USP37: variants seen among roughly 807,000 people sequenced by gnomAD.
USP37 encodes the protein ubiquitin carboxyl-terminal hydrolase 37.
Under a neutral mutation model 124.0 loss-of-function variants are expected in USP37, and 27 were observed. The observed-to-expected ratio is 0.22, with a 90% CI of 0.16 to 0.30. The LOEUF is 0.30. Among genes scored for constraint, USP37 ranks in the 10% least tolerant of loss-of-function variants. USP37 has a pLI of 1.00. For synonymous variants in USP37, 365 were observed against 388.0 expected (o/e 0.94, Z 0.70); for missense variants, 889 against 1,140.4 (o/e 0.78, Z 3.17).
intron 14 of USP37, among the ~76,000 whole-genome samples, chr2:218,489,513 CTTTT>C (rs1691796123): frequency 6.6e-6 from 1 of 151,824 alleles, no homozygotes; most frequent in Non-Finnish European, 1.5e-5. Flanking sequence ...CGGAGTTCTG[CTTTT>C]GTTGCCCAAG....
At chr2:218,510,592 T>C (rs1162307438) in intron 10 of USP37, among the ~76,000 whole-genome samples, 1 of 152,254 alleles carries the variant, frequency 6.6e-6, no homozygotes, top group Admixed American at 6.5e-5. Context: ...TCATTTTTAA[T>C]TTTTTGAGAT....
chr2:218,480,468 A>G (rs1281252717), intron 17 of USP37, among the ~76,000 whole-genome samples: 1 of 151,784 alleles, frequency 6.6e-6, no homozygotes, highest in Non-Finnish European at 1.5e-5. Context: ...TACCATCTCT[A>G]GGCTCTCCTT....
intron 9 of USP37, among the ~76,000 whole-genome samples, chr2:218,532,466 C>A (rs1254365328): frequency 1.6e-3 from 184 of 115,306 alleles, no homozygotes; most frequent in African/African-American, 2.1e-3. Flanking sequence ...GACTCTGTCT[C>A]AAAAAAAAAA....
In USP37 at chr2:218,505,247, G is replaced by A. The variant is rs572337734; in HGVS notation, c.1025+4732C>T. 4.6e-5 allele frequency among the ~76,000 whole-genome samples: 7 copies of A among 152,172 alleles called. No individual in the cohort carries two copies. The East Asian group carries it at 1.2e-3, about 25-fold the overall frequency. On this transcript the variant is annotated intron_variant, in intron 11 of 25. Transcript: ENST00000258399. ...TTTCCCAGGCTGGTCTCGAACTCCT[G>A]AGCTCAAGTGATCTGCCTGCCTCAG...
intron 20 of USP37, among the ~76,000 whole-genome samples, chr2:218,471,687 C>T (rs775285332): frequency 1.1e-4 from 17 of 152,098 alleles, no homozygotes; most frequent in Non-Finnish European, 1.9e-4. Context: ...AACATGTCTC[C>T]CTTGATTTTT....
At chr2:218,528,672 A>G in intron 10 of USP37, 1 of 426,446 alleles carries the variant, frequency 2.3e-6, no homozygotes, top group Non-Finnish European at 4.2e-6. Flanking sequence ...CCTGTCTATC[A>G]TTGATGGGCA....
Position 218,544,945 on chromosome 2 carries a change from T to C in USP37, c.680+1276A>G, listed in dbSNP as rs545509933. Among the ~76,000 whole-genome samples, 6 of 152,290 alleles carry C rather than the reference T, an allele frequency of 3.9e-5. No individual in the cohort carries two copies. The South Asian group carries it at 1.2e-3, about 32-fold the overall frequency. On this transcript the variant is annotated intron_variant, in intron 8 of 25. Transcript: ENST00000258399. ...AGGTACCAGACCATGAGGGGCATGGTCCAAGGTACATTTAGACCTTCTAGA... is the reference window on the plus strand; with the variant it reads ...AGGTACCAGACCATGAGGGGCATGGCCCAAGGTACATTTAGACCTTCTAGA...
intron 8 of USP37, among the ~76,000 whole-genome samples, chr2:218,540,975 A>G (rs182036725): frequency 7.0e-4 from 107 of 152,298 alleles, no homozygotes; most frequent in Non-Finnish European, 1.1e-3. Flanking sequence ...CTGGCCTGAT[A>G]AAGTGCTGCA....
intron 8 of USP37, among the ~76,000 whole-genome samples, chr2:218,535,933 C>G (rs186467974): frequency 2.9e-4 from 39 of 135,198 alleles, no homozygotes; most frequent in African/African-American, 9.9e-4. Context: ...AGAAGTATTG[C>G]TTGAACCCAG....
intron 13 of USP37, among the ~76,000 whole-genome samples, chr2:218,497,095 G>T (rs983661135): frequency 1.3e-5 from 2 of 151,984 alleles, no homozygotes; most frequent in African/African-American, 4.8e-5. Context: ...TTTTGAGACA[G>T]AGTCTTGCCC....
chr2:218,488,503 A>T, intron 14 of USP37, 82 bp from the exon 15 acceptor site: 1 of 905,634 alleles, frequency 1.1e-6, no homozygotes, highest in Non-Finnish European at 1.7e-6. Context: ...CTGTTCTTCC[A>T]CAGAACTTAT....
Position 218,558,553 on chromosome 2 carries a change from T to A in USP37, c.101A>T (p.Asn34Ile). The stretch of plus-strand genomic sequence containing the variant: ...GTAGTGAACTACTAGGCTGACTTTA[T>A]TCTCTTTTTCTACAATTTCAAAGGA... ...EGSFEIVEKE[N>I]KVSLVVHYNT... Residue 34 changes from asparagine (N) to isoleucine (I), a missense_variant, in exon 4 of 26, where the codon AAT becomes ATT. By Grantham distance (149) the Asn-to-Ile change is moderately radical (BLOSUM62 -3). This residue lies in a region of USP37 where 374 missense variants were observed against 386.0 expected (regional missense o/e 0.97). Transcript: ENST00000258399. The A allele has an allele frequency of 6.2e-7, 1 of 1,613,680 alleles. No individual in the cohort carries two copies. Among genetic ancestry groups the A allele is most frequent in the Non-Finnish European group, 8.5e-7 (1 of 1,179,850 alleles).
At chr2:218,519,181 T>C (rs1163737225) in intron 10 of USP37, among the ~76,000 whole-genome samples, 3 of 152,208 alleles carry the variant, frequency 2.0e-5, no homozygotes, top group Non-Finnish European at 4.4e-5. Flanking sequence ...TAAATACTAA[T>C]GTGAAAAAAT....
At chr2:218,509,843 T>C in intron 11 of USP37, 136 bp downstream of exon 11, 1 of 843,444 alleles carries the variant, frequency 1.2e-6, no homozygotes, top group East Asian at 3.1e-5. Context: ...ATGGATGTAA[T>C]AAATCTTTAA....
chr2:218,566,141 A>G (rs1402604167), intron 1 of USP37, among the ~76,000 whole-genome samples: 1 of 152,230 alleles, frequency 6.6e-6, no homozygotes, highest in Non-Finnish European at 1.5e-5. Flanking sequence ...GACTTGGGGT[A>G]GAGGATAACA....
At chr2:218,497,945 AT>A in intron 12 of USP37, 80 bp downstream of exon 12, 2 of 1,571,734 alleles carry the variant, frequency 1.3e-6, no homozygotes, top group Non-Finnish European at 8.6e-7. Context: ...GGCACAGAAA[AT>A]TTTTGAGTGT....
intron 14 of USP37, among the ~76,000 whole-genome samples, chr2:218,491,667 T>C (rs1223301458): frequency 6.6e-6 from 1 of 152,088 alleles, no homozygotes; most frequent in African/African-American, 2.4e-5. Context: ...TAGCAGTGAA[T>C]AAACCAAGGC....
chr2:218,558,926 T>A (rs956353186), intron 3 of USP37, among the ~76,000 whole-genome samples: 1 of 152,008 alleles, frequency 6.6e-6, no homozygotes, highest in African/African-American at 2.4e-5. Flanking sequence ...CTCAAAGTGA[T>A]TGCCTTCACC....
chr2:218,523,714 G>A (rs72959905), intron 10 of USP37, among the ~76,000 whole-genome samples: 2,680 of 152,042 alleles, frequency 0.018, 33 homozygotes, highest in Non-Finnish European at 0.029. Context: ...CACTGAACCC[G>A]GCCTAGAGCA....
Sources: allele counts gnomAD v4.1 joint callset (sites outside exome capture counted in the v4.1 genomes callset), GRCh38; gene constraint gnomAD v4.1.1; regional missense constraint gnomAD v4.1.1; transcripts MANE v1.5; gene names NCBI Gene and HGNC (gene_info 2026-07-23, HGNC 2026-07-21).